The following BIN2 variants were observed in gnomAD, a reference collection of about 807,000 sequenced individuals.
The protein encoded by BIN2 is breast cancer associated protein BRAP1.
BIN2 carries 43 observed loss-of-function variants against 67.9 expected under a neutral mutation model. The ratio of observed to expected loss-of-function variants is 0.63; its 90% CI spans 0.50 to 0.82. The LOEUF (loss-of-function observed/expected upper bound fraction) is 0.82. Among genes scored for constraint, BIN2 ranks in the 40% least tolerant of loss-of-function variants. The pLI, the probability that BIN2 is intolerant of heterozygous loss-of-function variation, is 0.00. For missense variants in BIN2, 581 were observed against 671.6 expected (o/e 0.87, Z 1.49); for synonymous variants, 244 against 246.8 (o/e 0.99, Z 0.11).
intron 2 of BIN2, among the ~76,000 whole-genome samples, chr12:51,312,858 C>G (rs545604542): frequency 2.0e-5 from 3 of 152,276 alleles, no homozygotes; most frequent in African/African-American, 7.2e-5. Flanking sequence ...CACTCAGCTA[C>G]TGAATTAGAT....
intron 10 of BIN2, 79 bp from the exon 11 acceptor site, chr12:51,288,267 T>C: frequency 8.5e-7 from 1 of 1,175,104 alleles, no homozygotes; most frequent in Non-Finnish European, 1.3e-6. Context: ...TTGGTCCATA[T>C]TAGCTCCTCT....
At chr12:51,319,150 C>G (rs558384164) in intron 1 of BIN2, among the ~76,000 whole-genome samples, 1 of 152,184 alleles carries the variant, frequency 6.6e-6, no homozygotes, top group South Asian at 2.1e-4. Flanking sequence ...GTGGAGAGGA[C>G]AGAAAAAACA....
At chr12:51,313,689 G>A in intron 2 of BIN2, 134 bp downstream of exon 2, 1 of 766,410 alleles carries the variant, frequency 1.3e-6, no homozygotes, top group Non-Finnish European at 2.2e-6. Flanking sequence ...AGGTCACCCT[G>A]TAGCCCTTAA....
At chr12:51,310,270 A>T (rs1945963262) in intron 2 of BIN2, among the ~76,000 whole-genome samples, 2 of 152,208 alleles carry the variant, frequency 1.3e-5, no homozygotes, top group South Asian at 4.1e-4. Flanking sequence ...TCAGCAAAAT[A>T]TACACTGTAG....
Position 51,291,941 on chromosome 12 carries a change from G to C in BIN2, c.1165C>G (p.Leu389Val). 1 of 1,614,164 alleles carries C rather than the reference G, an allele frequency of 6.2e-7. No homozygotes were observed. The highest frequency in any genetic ancestry group is 8.5e-7 in the Non-Finnish European group (1 of 1,180,022). ...CCTTCACTTGCGGTGCGGGTTCGGA[G>C]GACTACTTCTGTGGCAGATGATGAA... Reference protein sequence around the residue: ...QPSSSATEVVLRTRTASEGSE... With the variant: ...QPSSSATEVVVRTRTASEGSE... The change falls in exon 10 of 13, where the codon CTC (leucine) becomes GTC (valine). Residue 389 changes from leucine to valine, a missense_variant. Coordinates refer to ENST00000615107, the MANE Select transcript of BIN2 (RefSeq NM_016293.4).
rs185553450 is a variant in BIN2, at chr12:51,303,253, T to C, written c.163-112A>G. The C allele has an allele frequency of 1.5e-3, 1,600 of 1,069,722 alleles. 5 individuals carry two copies. The highest frequency in any genetic ancestry group is 1.9e-3 in the Non-Finnish European group (1,330 of 703,206). The allele number at this position is 1,069,722 out of a possible 1,614,324, so 66.3% of individuals were successfully genotyped here. On this transcript the variant is annotated intron_variant, in intron 2 of 12. Transcript: ENST00000615107. ...GCAGAAATCACACCTGGAATTTCTC[T>C]AAATATTCACAATTGTTATAAGTCA... is the stretch of plus-strand genomic sequence containing the variant.
intron 12 of BIN2, 149 bp downstream of exon 12, chr12:51,284,567 C>T: frequency 1.7e-6 from 1 of 595,734 alleles, no homozygotes; most frequent in Non-Finnish European, 3.0e-6. Context: ...CCAGTTCATT[C>T]TTGTTTCCTC....
chr12:51,313,228 AAGGC>A (rs768529869), intron 2 of BIN2, among the ~76,000 whole-genome samples: 15 of 139,654 alleles, frequency 1.1e-4, no homozygotes, highest in Non-Finnish European at 1.7e-4. Context: ...GGAAGGCAGG[AAGGC>A]AGGCAGGCAG....
At chr12:51,283,033 G>T (rs1945150604) in intron 12 of BIN2, among the ~76,000 whole-genome samples, 1 of 151,158 alleles carries the variant, frequency 6.6e-6, no homozygotes, top group Admixed American at 6.6e-5. Flanking sequence ...GAGGCGGGAG[G>T]ATCATGAGGT....
At chr12:51,323,229 G>A (rs527881575) in intron 1 of BIN2, 1 of 152,370 alleles carries the variant, frequency 6.6e-6, no homozygotes, top group African/African-American at 2.4e-5. Context: ...GTGGAGAGCA[G>A]AGGCTCAGGT....
intron 1 of BIN2, chr12:51,323,103 A>T (rs1248391225): frequency 6.6e-6 from 1 of 152,198 alleles, no homozygotes; most frequent in Non-Finnish European, 1.5e-5. Flanking sequence ...ATAAAGAGAG[A>T]GAGAAAAAAA....
At chr12:51,320,584 C>T (rs1363859354) in intron 1 of BIN2, among the ~76,000 whole-genome samples, 1 of 151,728 alleles carries the variant, frequency 6.6e-6, no homozygotes, top group African/African-American at 2.4e-5. Context: ...ATCCTTTTGT[C>T]CTCTGAATAG....
intron 11 of BIN2, 26 bp from the exon 12 acceptor site, chr12:51,284,813 A>T (rs373966540): frequency 1.6e-5 from 25 of 1,573,936 alleles, no homozygotes; most frequent in Non-Finnish European, 2.2e-5. Flanking sequence ...TTCTGCCAGT[A>T]AGAGGTGGCT....
At chr12:51,322,851 C>T (rs953415293) in intron 1 of BIN2, 1 of 152,204 alleles carries the variant, frequency 6.6e-6, no homozygotes, top group Non-Finnish European at 1.5e-5. Flanking sequence ...AAATAACCTC[C>T]CTTCCATTGT....
chr12:51,307,857 T>C (rs1945910658), intron 2 of BIN2, among the ~76,000 whole-genome samples: 3 of 152,160 alleles, frequency 2.0e-5, no homozygotes, highest in Admixed American at 2.0e-4. Flanking sequence ...GGGTACTCTA[T>C]CACAGCCCAG....
rs1945750198 is a variant in BIN2 at position 51,302,419 on chromosome 12, C to A, written c.312+267G>T. The A allele has an allele frequency of 1.5e-5, 8 of 524,196 alleles. No individual in the cohort carries two copies. The South Asian group carries it at 1.6e-4, about 11-fold the overall frequency. The allele number at this position is 524,196 out of a possible 1,614,324, so 32.5% of individuals were successfully genotyped here. On this transcript the variant is annotated intron_variant, in intron 4 of 12. Coordinates refer to ENST00000615107, the MANE Select transcript of BIN2 (RefSeq NM_016293.4). ...ACTGCATGAAGTTTGTTTTAAAAAACAACCAATCTTTAGGAGGTAAAACTT... is the reference window on the plus strand; with the variant it reads ...ACTGCATGAAGTTTGTTTTAAAAAAAAACCAATCTTTAGGAGGTAAAACTT...
chr12:51,313,216 AAGGAAGGC>A (rs1388278685), intron 2 of BIN2, among the ~76,000 whole-genome samples: 2 of 91,642 alleles, frequency 2.2e-5, no homozygotes, highest in Admixed American at 1.1e-4. Flanking sequence ...GGAAGGAAGG[AAGGAAGGC>A]AGGAAGGCAG....
At position 51,305,709 on chromosome 12, in the gene BIN2, G is replaced by T. The variant is rs180960573; in HGVS notation, c.163-2568C>A. On this transcript the variant is annotated intron_variant, in intron 2 of 12. Transcript: ENST00000615107. The stretch of plus-strand genomic sequence containing the variant: ...TTTCCTGTGGAAATCTTTGGGGAAA[G>T]GTCACTATTTACTTAATTTTAGCAG... Among the ~76,000 whole-genome samples, 165 of 151,690 alleles carry T rather than the reference G, an allele frequency of 1.1e-3. 1 individual carries two copies. Among genetic ancestry groups the T allele is most frequent in the Non-Finnish European group, 3.5e-4 (24 of 67,968 alleles).
At chr12:51,301,713 T>C (rs1945729222) in intron 5 of BIN2, among the ~76,000 whole-genome samples, 1 of 152,074 alleles carries the variant, frequency 6.6e-6, no homozygotes, top group African/African-American at 2.4e-5. Flanking sequence ...TTTTGCCATG[T>C]TGCCCAGGCT....
Sources: allele counts gnomAD v4.1 joint callset (sites outside exome capture counted in the v4.1 genomes callset), GRCh38; gene constraint gnomAD v4.1.1; transcripts MANE v1.5; gene names NCBI Gene and HGNC (gene_info 2026-07-23, HGNC 2026-07-21).